Variants in ZFHX3 observed in about 807,000 individuals in gnomAD.
ZFHX3 encodes zinc finger homeobox protein 3.
ZFHX3 carries 42 observed loss-of-function variants against 279.1 expected under a neutral mutation model. That is an observed-to-expected ratio of 0.15 (90% confidence interval 0.12 to 0.19). The LOEUF (loss-of-function observed/expected upper bound fraction) is 0.19, where lower values mean the gene tolerates loss of function less well. Among genes scored for constraint, ZFHX3 ranks in the 10% least tolerant of loss-of-function variants. The probability of loss-of-function intolerance (pLI) is 1.00; values close to 1 mark genes in which losing one functional copy is unlikely to be tolerated. For missense variants in ZFHX3, 4,981 were observed against 4,754.0 expected (o/e 1.05, Z -1.40); for synonymous variants, 2,293 against 1,957.8 (o/e 1.17, Z -4.52).
intron 1 of ZFHX3, among the ~76,000 whole-genome samples, chr16:73,750,241 G>A (rs1020866606): frequency 1.3e-5 from 2 of 152,048 alleles, no homozygotes; most frequent in Non-Finnish European, 2.9e-5. Context: ...GTCCCAGGAA[G>A]AAAAAAACAG....
At chr16:73,559,119 C>T (rs2020332261) in intron 2 of ZFHX3, among the ~76,000 whole-genome samples, 2 of 152,044 alleles carry the variant, frequency 1.3e-5, no homozygotes, top group South Asian at 4.2e-4. Flanking sequence ...GCTATCACGG[C>T]TCACTGCAGC....
chr16:72,847,862 T>C (rs976254051), intron 4 of ZFHX3, among the ~76,000 whole-genome samples: 3 of 152,074 alleles, frequency 2.0e-5, no homozygotes, highest in African/African-American at 4.8e-5. Context: ...AACGTTAATG[T>C]AGGTTCCACA....
At chr16:72,844,477 C>T (rs899630384) in intron 4 of ZFHX3, among the ~76,000 whole-genome samples, 3 of 151,968 alleles carry the variant, frequency 2.0e-5, no homozygotes, top group African/African-American at 7.2e-5. Context: ...CTCCCTCGCC[C>T]AACCATCACA....
At chr16:72,895,508 T>G (rs1484276094) in intron 3 of ZFHX3, among the ~76,000 whole-genome samples, 3 of 152,124 alleles carry the variant, frequency 2.0e-5, no homozygotes, top group Admixed American at 2.0e-4. Flanking sequence ...TCACTCCCAC[T>G]CCAACTCACT....
chr16:73,787,789 C>G (rs1597115735), intron 1 of ZFHX3, among the ~76,000 whole-genome samples: 1 of 149,932 alleles, frequency 6.7e-6, no homozygotes, highest in South Asian at 2.1e-4. Context: ...AATTTTCTGC[C>G]TAAACACTGT....
chr16:73,623,038 TA>T (rs896537109), intron 2 of ZFHX3, among the ~76,000 whole-genome samples: 2 of 76,406 alleles, frequency 2.6e-5, no homozygotes, highest in Non-Finnish European at 7.2e-5. Flanking sequence ...GGGCACATTG[TA>T]TTTTTTTTTT....
intron 3 of ZFHX3, among the ~76,000 whole-genome samples, chr16:73,362,668 A>C (rs1313932335): frequency 6.6e-6 from 1 of 152,258 alleles, no homozygotes; most frequent in Non-Finnish European, 1.5e-5. Flanking sequence ...AAGGCAGGGC[A>C]AACAGGGCAC....
chr16:72,957,841 T>G lies in ZFHX3; in HGVS notation c.2305A>C (p.Thr769Pro). Residue 769 changes from threonine to proline, a missense_variant, in exon 2 of 10, where the codon ACT (threonine) becomes CCT (proline). This residue lies in a region of ZFHX3 where 1,751 missense variants were observed against 1,770.0 expected (regional missense o/e 0.99). Coordinates refer to ENST00000268489, the MANE Select transcript of ZFHX3 (RefSeq NM_006885.4). ...NGGGEQVFSH[T>P]AGAAAAAVAA... ...ACCGCCGCCGCCGCCGCCCCGGCAG[T>G]GTGGCTGAAGACCTGCTCCCCCCCT... 1 of 1,613,036 alleles carries G rather than the reference T, an allele frequency of 6.2e-7. No individual in the cohort carries two copies. Among genetic ancestry groups the G allele is most frequent in the Non-Finnish European group, 8.5e-7 (1 of 1,179,518 alleles).
chr16:73,755,440 G>T (rs1244002019), intron 1 of ZFHX3, among the ~76,000 whole-genome samples: 16 of 152,176 alleles, frequency 1.1e-4, no homozygotes, highest in Non-Finnish European at 2.4e-4. Flanking sequence ...AGTAGATGGG[G>T]CCTGGACTGT....
At chr16:73,361,571 A>G (rs1039479069) in intron 3 of ZFHX3, among the ~76,000 whole-genome samples, 2 of 152,232 alleles carry the variant, frequency 1.3e-5, no homozygotes, top group Non-Finnish European at 2.9e-5. Flanking sequence ...TTTCAATTAC[A>G]CAAAATGTAT....
intron 1 of ZFHX3, among the ~76,000 whole-genome samples, chr16:73,735,876 A>G (rs575189116): frequency 9.9e-6 from 1 of 100,680 alleles, no homozygotes; most frequent in Non-Finnish European, 2.3e-5. Flanking sequence ...GGCAAAATGA[A>G]GCACCAGCCA....
At chr16:73,029,060 C>G (rs1332364268) in intron 1 of ZFHX3, among the ~76,000 whole-genome samples, 1 of 152,166 alleles carries the variant, frequency 6.6e-6, no homozygotes, top group Non-Finnish European at 1.5e-5. Flanking sequence ...GCCAAGTGCA[C>G]CTTCCTCAAG....
chr16:73,405,578 TTTTTTTG>T (rs1012311129), intron 3 of ZFHX3, among the ~76,000 whole-genome samples: 1 of 138,762 alleles, frequency 7.2e-6, no homozygotes, highest in African/African-American at 3.0e-5. Flanking sequence ...TATACATTAG[TTTTTTTG>T]TTTTTTGTTT....
intron 1 of ZFHX3, among the ~76,000 whole-genome samples, chr16:73,809,950 G>A (rs1181190648): frequency 2.0e-5 from 3 of 152,032 alleles, no homozygotes. Context: ...GCAGTTCAAG[G>A]GAATAAAAGC....
Position 73,858,185 on chromosome 16 carries a change from T to C in ZFHX3, c.-1608+33466A>G, listed in dbSNP as rs28649675. The stretch of plus-strand genomic sequence containing the variant: ...TGCACTGCAATGCCTCTTTCCCCCA[T>C]GCACATGAGGGTTGGGGCATCCAAT... On this transcript the variant is annotated intron_variant, in intron 1 of 17. Transcript: ENST00000641206. Among the ~76,000 whole-genome samples the C allele has an allele frequency of 3.8e-3, 577 of 151,866 alleles. 4 individuals are homozygous for C. The highest frequency in any genetic ancestry group is 0.013 in the African/African-American group (537 of 41,404).
intron 7 of ZFHX3, among the ~76,000 whole-genome samples, chr16:73,117,742 C>A (rs1031154721): frequency 6.6e-6 from 1 of 152,160 alleles, no homozygotes; most frequent in African/African-American, 2.4e-5. Context: ...GAAGGTGAGG[C>A]CTTTGGGAGG....
At chr16:73,491,683 T>C (rs1809448276) in intron 2 of ZFHX3, among the ~76,000 whole-genome samples, 1 of 152,178 alleles carries the variant, frequency 6.6e-6, no homozygotes, top group Non-Finnish European at 1.5e-5. Context: ...AAAATGAAAC[T>C]AGTTTGGTCT....
chr16:73,790,280 A>AT (rs1959784507), intron 1 of ZFHX3, among the ~76,000 whole-genome samples: 1 of 143,682 alleles, frequency 7.0e-6, no homozygotes, highest in African/African-American at 2.6e-5. Context: ...TTTTTTTTTC[A>AT]TTTTTGGAAA....
chr16:73,879,130 C>A (rs916109862), intron 1 of ZFHX3, among the ~76,000 whole-genome samples: 20 of 151,586 alleles, frequency 1.3e-4, no homozygotes, highest in Admixed American at 1.3e-3. Context: ...TCACCAGCAG[C>A]GAGCGACCTT....
Sources: gnomAD v4.1 joint callset for allele counts (sites outside exome capture counted in the v4.1 genomes callset) on GRCh38, gnomAD v4.1.1 for gene constraint, gnomAD v4.1.1 regional missense constraint, MANE v1.5 for transcripts, NCBI Gene and HGNC (gene_info 2026-07-23, HGNC 2026-07-21) for gene names.